TSACC: variants seen among roughly 807,000 people sequenced by gnomAD.
TSACC encodes the protein TSSK6-activating co-chaperone protein.
In TSACC, 3 loss-of-function variants were observed where a neutral mutation model predicts 6.9. That is an observed-to-expected ratio of 0.43 (90% CI 0.20 to 1.12). The LOEUF (loss-of-function observed/expected upper bound fraction) is 1.12. Among genes scored for constraint, TSACC ranks in the 50% most tolerant of loss-of-function variants. The pLI, the probability that TSACC is intolerant of heterozygous loss-of-function variation, is 0.28. For missense variants in TSACC, 137 were observed against 143.9 expected (o/e 0.95, Z 0.24); for synonymous variants, 54 against 55.1 (o/e 0.98, Z 0.09).
intron 2 of TSACC, among the ~76,000 whole-genome samples, chr1:156,341,916 G>A (rs1330115000): frequency 6.6e-6 from 1 of 151,924 alleles, no homozygotes; most frequent in Non-Finnish European, 1.5e-5. Context: ...CAAAAAATTA[G>A]CCGGGCATTG....
intron 2 of TSACC, among the ~76,000 whole-genome samples, chr1:156,340,277 GC>G (rs1445315640): frequency 1.3e-5 from 2 of 152,142 alleles, no homozygotes; most frequent in Non-Finnish European, 2.9e-5. Context: ...TCCTGCCTCG[GC>G]CTCCTGAGTA....
At chr1:156,346,475 A>AG (rs1294872605) in intron 3 of TSACC, among the ~76,000 whole-genome samples, 1 of 152,180 alleles carries the variant, frequency 6.6e-6, no homozygotes, top group Admixed American at 6.5e-5. Context: ...ACGTTCTAGA[A>AG]GGGGGACTTA....
Position 156,344,623 on chromosome 1 carries a change from A to G in TSACC, c.78A>G (p.Ala26=). ...EEANAVPLCR[A]KPSPSYINLQ... is the part of the protein sequence containing the mutation. Reference sequence around the variant, plus strand: ...CTAATGCTGTGCCTCTCTGTAGAGCAAAACCCTCCCCCAGCTATATTAATC... The same window carrying G: ...CTAATGCTGTGCCTCTCTGTAGAGCGAAACCCTCCCCCAGCTATATTAATC... The change falls in exon 3 of 4, where the codon GCA becomes GCG. Residue 26 remains alanine (A), a synonymous_variant. Transcript: ENST00000368254. 6.2e-7 allele frequency: 1 copy of G among 1,614,052 alleles called. No homozygotes were observed. Among genetic ancestry groups the G allele is most frequent in the Non-Finnish European group, 8.5e-7 (1 of 1,179,980 alleles).
chr1:156,338,417 C>T (rs573733667), upstream of TSACC: 1 of 581,346 alleles, frequency 1.7e-6, no homozygotes, highest in Non-Finnish European at 3.1e-6. Flanking sequence ...ACAAGTTAGA[C>T]AGAGAGCGCA....
At chr1:156,342,508 C>T (rs1456424313) in intron 2 of TSACC, among the ~76,000 whole-genome samples, 6 of 152,252 alleles carry the variant, frequency 3.9e-5, no homozygotes, top group African/African-American at 7.2e-5. Context: ...CTGTTGCCCT[C>T]TGAGTAAAGA....
intron 2 of TSACC, 101 bp from the exon 3 acceptor site, chr1:156,344,479 G>T (rs535275602): frequency 1.2e-5 from 17 of 1,463,732 alleles, no homozygotes; most frequent in African/African-American, 1.4e-5. Flanking sequence ...CATATTCACG[G>T]CAGGGCCTGG....
At chr1:156,338,218 G>A (rs559809171), upstream of TSACC, 2 of 1,574,654 alleles carry the variant, frequency 1.3e-6, no homozygotes, top group Admixed American at 1.9e-5. Context: ...ACCCAGAGCT[G>A]GGGGAACCGG....
At chr1:156,338,216 C>A, upstream of TSACC, 8 of 1,576,802 alleles carry the variant, frequency 5.1e-6, no homozygotes, top group Non-Finnish European at 6.9e-6. Flanking sequence ...GTACCCAGAG[C>A]TGGGGGAACC....
Position 156,339,658 on chromosome 1 carries a change from G to A in TSACC, c.-100G>A, listed in dbSNP as rs1478906775. ...GATTGGAACAGGCTGAGATCTGCTG[G>A]AGACAACTTAGGAAATTATCATAGT... On this transcript the variant is annotated 5_prime_UTR_variant, in exon 2 of 4. Coordinates refer to ENST00000368254, the MANE Select transcript of TSACC (RefSeq NM_001304817.2). The A allele has an allele frequency of 6.7e-7, 1 of 1,494,150 alleles. No individual in the cohort carries two copies. Among genetic ancestry groups the A allele is most frequent in the Non-Finnish European group, 9.2e-7 (1 of 1,081,492 alleles). 92.6% of individuals were successfully genotyped at this position (1,494,150 alleles called of 1,614,324 possible). A position where few individuals can be genotyped will look rare whatever the true frequency, so the allele number is the denominator to read the frequency against.
At chr1:156,340,883 G>A (rs566818450) in intron 2 of TSACC, among the ~76,000 whole-genome samples, 7 of 152,244 alleles carry the variant, frequency 4.6e-5, no homozygotes, top group African/African-American at 1.4e-4. Context: ...ACCCTCTTAA[G>A]CAGTTTACCT....
At chr1:156,342,307 C>T (rs1036958690) in intron 2 of TSACC, among the ~76,000 whole-genome samples, 3 of 152,058 alleles carry the variant, frequency 2.0e-5, no homozygotes, top group African/African-American at 7.2e-5. Flanking sequence ...CCAGTAGAGC[C>T]TGGAAAATCC....
chr1:156,344,853 T>C, intron 3 of TSACC, 145 bp downstream of exon 3: 1 of 1,034,956 alleles, frequency 9.7e-7, no homozygotes, highest in Non-Finnish European at 1.4e-6. Flanking sequence ...GTTGATTATT[T>C]AGTTTCATTG....
In TSACC at chr1:156,344,714, G is replaced by A. The variant is rs770227327; in HGVS notation, c.163+6G>A. ...GACAACAAAGCTGCCCTCGGGTAAGGATGTAGGGAGGGTTTTCTAATGGAC... is the reference window on the plus strand; with the variant it reads ...GACAACAAAGCTGCCCTCGGGTAAGAATGTAGGGAGGGTTTTCTAATGGAC... On this transcript the variant is annotated splice_donor_region_variant and intron_variant, in intron 3 of 3. Coordinates refer to ENST00000368254, the MANE Select transcript of TSACC (RefSeq NM_001304817.2). The A allele has an allele frequency of 1.2e-6, 2 of 1,613,176 alleles. No homozygotes were observed. The highest frequency in any genetic ancestry group is 1.7e-6 in the Non-Finnish European group (2 of 1,179,734).
upstream of TSACC, chr1:156,338,294 C>T: frequency 9.7e-7 from 1 of 1,035,186 alleles, no homozygotes; most frequent in Non-Finnish European, 1.5e-6. Context: ...AGGGCTTACA[C>T]CTCAACCCGC....
upstream of TSACC, chr1:156,338,297 C>A (rs550124233): frequency 6.0e-6 from 6 of 994,808 alleles, no homozygotes; most frequent in Admixed American, 2.1e-5. Flanking sequence ...GCTTACACCT[C>A]AACCCGCTAC....
chr1:156,341,801 C>T (rs1230421609), intron 2 of TSACC, among the ~76,000 whole-genome samples: 3 of 152,126 alleles, frequency 2.0e-5, no homozygotes, highest in Non-Finnish European at 2.9e-5. Flanking sequence ...CAGTGGCTCA[C>T]GCTTGTAATC....
At chr1:156,346,680 C>G in intron 3 of TSACC, 88 bp from the exon 4 acceptor site, 1 of 1,321,178 alleles carries the variant, frequency 7.6e-7, no homozygotes, top group Non-Finnish European at 1.1e-6. Context: ...TTGGAGAGGT[C>G]ATTTTATTAG....
intron 1 of TSACC, chr1:156,338,878 T>C (rs551108707): frequency 6.5e-6 from 1 of 152,738 alleles, no homozygotes; most frequent in African/African-American, 2.4e-5. Flanking sequence ...TGTGGACTTT[T>C]CCCTTCTTAG....
chr1:156,341,458 A>G (rs985409206), intron 2 of TSACC, among the ~76,000 whole-genome samples: 6 of 152,150 alleles, frequency 3.9e-5, no homozygotes, highest in African/African-American at 1.4e-4. Context: ...CAAGACTATC[A>G]GTTCCAGGAG....
Sources: gnomAD v4.1 joint callset for allele counts (sites outside exome capture counted in the v4.1 genomes callset) on GRCh38, gnomAD v4.1.1 for gene constraint, MANE v1.5 for transcripts, NCBI Gene and HGNC (gene_info 2026-07-23, HGNC 2026-07-21) for gene names.